Variants in ZNF521 observed in about 807,000 individuals in gnomAD.
ZNF521 encodes LYST-interacting protein 3.
In ZNF521, 14 loss-of-function variants were observed where a neutral mutation model predicts 105.5. The ratio of observed to expected loss-of-function variants is 0.13; its 90% CI spans 0.09 to 0.21. The LOEUF (loss-of-function observed/expected upper bound fraction) is 0.21. Among genes scored for constraint, ZNF521 ranks in the 10% least tolerant of loss-of-function variants. ZNF521 has a pLI of 1.00. For missense variants in ZNF521, 1,233 were observed against 1,629.7 expected (o/e 0.76, Z 4.19); for synonymous variants, 635 against 606.0 (o/e 1.05, Z -0.70).
intron 4 of ZNF521, among the ~76,000 whole-genome samples, chr18:25,223,808 A>T (rs1250131259): frequency 6.6e-6 from 1 of 152,156 alleles, no homozygotes; most frequent in African/African-American, 2.4e-5. Context: ...GGGGATTTTT[A>T]AAAATCCTGT....
Position 25,226,349 on chromosome 18 carries a change from G to A in ZNF521, c.1569C>T (p.Leu523=). ...FFCPHCYMGF[L]TDSSLEEHIR... Reference sequence around the variant, plus strand: ...TATGCTCTTCCAGGGAAGAGTCAGTGAGAAACCCCATATAGCAATGGGGAC... The same window carrying A: ...TATGCTCTTCCAGGGAAGAGTCAGTAAGAAACCCCATATAGCAATGGGGAC... The change falls in exon 4 of 8, where the codon CTC becomes CTT. Residue 523 remains leucine, a synonymous_variant. Transcript: ENST00000361524. This position sits in a 1 kb window ranked among gnomAD's most constrained non-coding sequence, Gnocchi z 4.1. 1 of 1,614,166 alleles carries A rather than the reference G, an allele frequency of 6.2e-7. No homozygotes were observed. Among genetic ancestry groups the A allele is most frequent in the Non-Finnish European group, 8.5e-7 (1 of 1,180,024 alleles).
At chr18:25,284,197 C>T (rs1910553801) in intron 3 of ZNF521, among the ~76,000 whole-genome samples, 1 of 152,094 alleles carries the variant, frequency 6.6e-6, no homozygotes, top group African/African-American at 2.4e-5. Flanking sequence ...TTCTCTTTAC[C>T]AGAGATAATA....
Position 25,207,446 on chromosome 18 carries a change from A to G in ZNF521, c.3574-12202T>C, listed in dbSNP as rs1265945586. On this transcript the variant is annotated intron_variant, in intron 4 of 7. Coordinates refer to ENST00000361524, the MANE Select transcript of ZNF521 (RefSeq NM_015461.3). ...TCTCCAGCACCGCCTCTCCATCGCCAGTTCTTGCTACTAACCGCTGCCTTC... is the reference window on the plus strand; with the variant it reads ...TCTCCAGCACCGCCTCTCCATCGCCGGTTCTTGCTACTAACCGCTGCCTTC... Among the ~76,000 whole-genome samples, 3 of 152,320 alleles carry G rather than the reference A, an allele frequency of 2.0e-5. No homozygotes were observed. In the South Asian group the frequency reaches 6.2e-4, roughly 32 times the overall value.
chr18:25,312,927 T>C (rs2145115605), intron 3 of ZNF521, among the ~76,000 whole-genome samples: 1 of 152,082 alleles, frequency 6.6e-6, no homozygotes, highest in South Asian at 2.1e-4. Context: ...TTGAACAAAG[T>C]GACACACTCA....
chr18:25,109,662 A>G (rs1233710304), intron 5 of ZNF521, among the ~76,000 whole-genome samples: 3 of 152,120 alleles, frequency 2.0e-5, no homozygotes, highest in Admixed American at 6.5e-5. Context: ...GTAAGATGAT[A>G]CCTCATTGTG....
chr18:25,198,677 T>C (rs2035941783), intron 4 of ZNF521, among the ~76,000 whole-genome samples: 1 of 151,838 alleles, frequency 6.6e-6, no homozygotes, highest in South Asian at 2.1e-4. Context: ...TTTCTGAAAA[T>C]TGGCAATGAA....
At chr18:25,324,383 C>G (rs1260612070) in intron 2 of ZNF521, among the ~76,000 whole-genome samples, 1 of 147,286 alleles carries the variant, frequency 6.8e-6, no homozygotes, top group Non-Finnish European at 1.5e-5. Flanking sequence ...AATATTTCAT[C>G]TGGGGCAACA....
chr18:25,278,417 T>C (rs1205212141), intron 3 of ZNF521, among the ~76,000 whole-genome samples: 1 of 152,234 alleles, frequency 6.6e-6, no homozygotes, highest in Non-Finnish European at 1.5e-5. Context: ...GTTCTTCCAT[T>C]TGAAGCGATC....
chr18:25,167,585 T>C (rs2035367373), intron 5 of ZNF521, among the ~76,000 whole-genome samples: 1 of 152,212 alleles, frequency 6.6e-6, no homozygotes, highest in Admixed American at 6.5e-5. Context: ...GGTCTTTTTA[T>C]TTAAAAAATG....
chr18:25,293,589 G>C (rs1013782132), intron 3 of ZNF521, among the ~76,000 whole-genome samples: 1 of 152,140 alleles, frequency 6.6e-6, no homozygotes, highest in African/African-American at 2.4e-5. Context: ...TCTTAAGATA[G>C]GTATTTATGA....
At chr18:25,215,348 A>G (rs961883987) in intron 4 of ZNF521, among the ~76,000 whole-genome samples, 7 of 152,204 alleles carry the variant, frequency 4.6e-5, no homozygotes, top group Non-Finnish European at 7.3e-5. Flanking sequence ...TACAAAGTAC[A>G]TGTACTAGAA....
At chr18:25,101,677 G>A (rs2033967919) in intron 5 of ZNF521, among the ~76,000 whole-genome samples, 2 of 152,228 alleles carry the variant, frequency 1.3e-5, no homozygotes, top group South Asian at 4.2e-4. Flanking sequence ...ATCAAGGACT[G>A]AAACAAAAGA....
At chr18:25,291,632 A>AAC (rs1402636956) in intron 3 of ZNF521, among the ~76,000 whole-genome samples, 2 of 152,154 alleles carry the variant, frequency 1.3e-5, no homozygotes, top group African/African-American at 2.4e-5. Flanking sequence ...TTTGCATTCA[A>AAC]ACACCCAAAG....
chr18:25,172,858 T>C (rs1357184519), intron 5 of ZNF521, among the ~76,000 whole-genome samples: 2 of 152,218 alleles, frequency 1.3e-5, no homozygotes, highest in African/African-American at 2.4e-5. Flanking sequence ...ACATGAATTA[T>C]GAAGCTTACT....
intron 4 of ZNF521, among the ~76,000 whole-genome samples, chr18:25,197,927 T>C (rs951674176): frequency 2.0e-5 from 3 of 151,844 alleles, no homozygotes; most frequent in Admixed American, 6.6e-5. Context: ...GCAGAGTACA[T>C]GAGGATTGTC....
At chr18:25,180,338 C>T (rs2035610644) in intron 5 of ZNF521, among the ~76,000 whole-genome samples, 1 of 152,052 alleles carries the variant, frequency 6.6e-6, no homozygotes, top group East Asian at 1.9e-4. Flanking sequence ...CACATTTATC[C>T]CATGTGATGG....
chr18:25,244,944 G>A (rs1907602748), intron 3 of ZNF521, among the ~76,000 whole-genome samples: 1 of 152,170 alleles, frequency 6.6e-6, no homozygotes, highest in Non-Finnish European at 1.5e-5. Context: ...TTACTGCACT[G>A]CTCCATTGGA....
intron 7 of ZNF521, among the ~76,000 whole-genome samples, chr18:25,079,340 C>T (rs1283576576): frequency 1.3e-5 from 2 of 152,162 alleles, no homozygotes; most frequent in Non-Finnish European, 2.9e-5. Context: ...CCCTGGCCTC[C>T]ATCCACGCTC....
At chr18:25,182,506 T>C (rs2035649261) in intron 5 of ZNF521, among the ~76,000 whole-genome samples, 1 of 152,196 alleles carries the variant, frequency 6.6e-6, no homozygotes, top group Non-Finnish European at 1.5e-5. Flanking sequence ...GTGACGCCCA[T>C]TTCGCTTCCC....
Sources: allele counts gnomAD v4.1 joint callset (sites outside exome capture counted in the v4.1 genomes callset), GRCh38; gene constraint gnomAD v4.1.1; non-coding constraint Gnocchi (gnomAD v3.1); transcripts MANE v1.5; gene names NCBI Gene and HGNC (gene_info 2026-07-23, HGNC 2026-07-21).